The following GALNT17 variants were observed in gnomAD, a reference collection of about 807,000 sequenced individuals.
The protein encoded by GALNT17 is polypeptide N-acetylgalactosaminyltransferase 17.
GALNT17 carries 29 observed loss-of-function variants against 63.7 expected under a neutral mutation model. That is an observed-to-expected ratio of 0.46 (90% confidence interval 0.34 to 0.62). The LOEUF (loss-of-function observed/expected upper bound fraction) is 0.62. Ranked by LOEUF, GALNT17 falls within the 20% of genes least tolerant of loss-of-function variation. The probability of loss-of-function intolerance (pLI) is 0.01; values close to 1 mark genes in which losing one functional copy is unlikely to be tolerated. For synonymous variants in GALNT17, 305 were observed against 318.3 expected, an observed-to-expected ratio of 0.96 and a Z score of 0.45; for missense variants, 603 against 799.6, an observed-to-expected ratio of 0.75 and a Z score of 2.97.
intron 5 of GALNT17, among the ~76,000 whole-genome samples, chr7:71,442,793 T>C (rs544584746): frequency 6.6e-6 from 1 of 152,256 alleles, no homozygotes; most frequent in South Asian, 2.1e-4. Flanking sequence ...GATAAAGCAG[T>C]GGCCCCTTCA....
At chr7:71,250,225 A>G (rs1790171477) in intron 1 of GALNT17, among the ~76,000 whole-genome samples, 1 of 152,122 alleles carries the variant, frequency 6.6e-6, no homozygotes, top group Non-Finnish European at 1.5e-5. Flanking sequence ...TTTTTTCTGA[A>G]AATATTTATG....
At chr7:71,644,915 C>G (rs1371449424) in intron 6 of GALNT17, among the ~76,000 whole-genome samples, 1 of 152,250 alleles carries the variant, frequency 6.6e-6, no homozygotes, top group Admixed American at 6.5e-5. Context: ...TGGCAGGTAG[C>G]CTTCCTGGTG....
At position 71,562,194 on chromosome 7, in the gene GALNT17, G is replaced by T. The variant is rs1186435480; in HGVS notation, c.963-9091G>T. On this transcript the variant is annotated intron_variant, in intron 5 of 10. Transcript: ENST00000333538. ...TGCCCGGTCTGTTCTCAAACTCCTG[G>T]ACTCAAGCAATCCTCTAGCCTTGGC... Among the ~76,000 whole-genome samples the T allele has an allele frequency of 2.0e-5, 3 of 152,000 alleles. No individual in the cohort carries two copies. In the East Asian group the frequency reaches 5.8e-4, roughly 29 times the overall value.
intron 3 of GALNT17, among the ~76,000 whole-genome samples, chr7:71,415,476 A>T (rs1793507091): frequency 6.6e-6 from 1 of 152,160 alleles, no homozygotes; most frequent in African/African-American, 2.4e-5. Context: ...AAAGACTTAC[A>T]TTGCATCCCA....
chr7:71,629,408 G>A (rs1262147265), intron 6 of GALNT17, among the ~76,000 whole-genome samples: 2 of 152,148 alleles, frequency 1.3e-5, no homozygotes, highest in African/African-American at 4.8e-5. Flanking sequence ...TACAAACTCA[G>A]AACATCATCT....
At chr7:71,593,391 G>A (rs59873623) in intron 6 of GALNT17, among the ~76,000 whole-genome samples, 4,783 of 150,430 alleles carry the variant, frequency 0.032, 244 homozygotes, top group African/African-American at 0.11. Flanking sequence ...TCAGCCTCTC[G>A]AATAGCTGGG....
chr7:71,169,548 G>A (rs1438228052), intron 1 of GALNT17, among the ~76,000 whole-genome samples: 1 of 152,090 alleles, frequency 6.6e-6, no homozygotes, highest in Non-Finnish European at 1.5e-5. Flanking sequence ...TTTTTATATA[G>A]TTTGCTGCAC....
chr7:71,377,003 T>C (rs1315381760), intron 2 of GALNT17, among the ~76,000 whole-genome samples: 1 of 148,698 alleles, frequency 6.7e-6, no homozygotes, highest in Non-Finnish European at 1.5e-5. Context: ...GGAGAATCAC[T>C]TGAGGCCAGA....
At chr7:71,458,840 T>A (rs1256328473) in intron 5 of GALNT17, among the ~76,000 whole-genome samples, 1 of 152,106 alleles carries the variant, frequency 6.6e-6, no homozygotes, top group Non-Finnish European at 1.5e-5. Context: ...GCGGGTCTTC[T>A]GTTCGTCTGC....
chr7:71,480,469 G>A (rs922919694), intron 5 of GALNT17, among the ~76,000 whole-genome samples: 2 of 151,778 alleles, frequency 1.3e-5, no homozygotes, highest in African/African-American at 2.4e-5. Context: ...GCAATGCCTC[G>A]AACAGCCAGT....
At chr7:71,490,970 G>T (rs562518895) in intron 5 of GALNT17, among the ~76,000 whole-genome samples, 8 of 152,238 alleles carry the variant, frequency 5.3e-5, no homozygotes, top group African/African-American at 1.9e-4. Context: ...GAGGCAGGCG[G>T]ATCACCTGAG....
chr7:71,570,941 G>A (rs1449240717), intron 5 of GALNT17, among the ~76,000 whole-genome samples: 1 of 152,090 alleles, frequency 6.6e-6, no homozygotes, highest in Admixed American at 6.6e-5. Flanking sequence ...TTGTATCATT[G>A]CACTCCAGCC....
At chr7:71,319,643 C>G (rs1003819734) in intron 1 of GALNT17, among the ~76,000 whole-genome samples, 1 of 152,138 alleles carries the variant, frequency 6.6e-6, no homozygotes, top group Non-Finnish European at 1.5e-5. Context: ...GTTGTATGTC[C>G]CAACCAAACT....
intron 6 of GALNT17, among the ~76,000 whole-genome samples, chr7:71,643,647 A>G (rs1311749721): frequency 6.6e-6 from 1 of 152,224 alleles, no homozygotes; most frequent in Non-Finnish European, 1.5e-5. Flanking sequence ...GTGTCCACAC[A>G]TGAATTCTGC....
Position 71,485,534 on chromosome 7 carries a change from G to A in GALNT17, c.962+64429G>A, listed in dbSNP as rs532909515. Among the ~76,000 whole-genome samples the A allele has an allele frequency of 3.3e-5, 5 of 152,318 alleles. No homozygotes were observed. In the South Asian group the frequency reaches 8.3e-4, roughly 25 times the overall value. ...TTCTTTAGAAAGTGTCTCATGGCAGGTCCTTGACCTGTGGTGCCATCACTG... is the reference window on the plus strand; with the variant it reads ...TTCTTTAGAAAGTGTCTCATGGCAGATCCTTGACCTGTGGTGCCATCACTG... On this transcript the variant is annotated intron_variant, in intron 5 of 10. Transcript: ENST00000333538.
chr7:71,579,915 G>C (rs908902609), intron 6 of GALNT17, among the ~76,000 whole-genome samples: 2 of 152,052 alleles, frequency 1.3e-5, no homozygotes, highest in African/African-American at 4.8e-5. Flanking sequence ...ATAGATTAGA[G>C]AGAGAAAGAT....
At chr7:71,330,614 C>T (rs565390331) in intron 1 of GALNT17, among the ~76,000 whole-genome samples, 14 of 152,130 alleles carry the variant, frequency 9.2e-5, no homozygotes, top group African/African-American at 3.4e-4. Context: ...GATGCCCAGG[C>T]TCCTCTCCAA....
chr7:71,240,674 T>A (rs1163828005), intron 1 of GALNT17, among the ~76,000 whole-genome samples: 1 of 135,014 alleles, frequency 7.4e-6, no homozygotes, highest in Admixed American at 7.2e-5. Context: ...TTTCTTTTTT[T>A]CCTTTTTTTT....
At chr7:71,321,529 A>C (rs1468271585) in intron 1 of GALNT17, among the ~76,000 whole-genome samples, 1 of 152,180 alleles carries the variant, frequency 6.6e-6, no homozygotes, top group Non-Finnish European at 1.5e-5. Flanking sequence ...TGGTGGCCTG[A>C]AATACAGAGA....
Sources: allele counts gnomAD v4.1 joint callset (sites outside exome capture counted in the v4.1 genomes callset), GRCh38; gene constraint gnomAD v4.1.1; transcripts MANE v1.5; gene names NCBI Gene and HGNC (gene_info 2026-07-23, HGNC 2026-07-21).